Variants in SF3A1 observed in about 807,000 individuals in gnomAD.
SF3A1 encodes splicing factor 3a subunit 1.
In SF3A1, 13 loss-of-function variants were observed where a neutral mutation model predicts 89.9. The ratio of observed to expected loss-of-function variants is 0.14; its 90% CI spans 0.09 to 0.23. SF3A1 has a LOEUF of 0.23. Among genes scored for constraint, SF3A1 ranks in the 10% least tolerant of loss-of-function variants. The pLI is 1.00. For synonymous variants in SF3A1, 405 were observed against 374.4 expected (o/e 1.08, Z -0.94); for missense variants, 604 against 1,022.1 (o/e 0.59, Z 5.58).
rs776494188 is a variant in SF3A1 at position 30,344,930 on chromosome 22, C to T, written c.651+3G>A. The T allele has an allele frequency of 6.2e-7, 1 of 1,612,398 alleles. No homozygotes were observed. The highest frequency in any genetic ancestry group is 8.5e-7 in the Non-Finnish European group (1 of 1,178,442). On this transcript the variant is annotated splice_donor_region_variant and intron_variant, in intron 4 of 15. Coordinates refer to ENST00000215793, the MANE Select transcript of SF3A1 (RefSeq NM_005877.6). ...GGACCCCAGCCCCATCCTGCCCAGG[C>T]ACCTTGGTGTACTGTTCCACTAGCT...
At position 30,356,765 on chromosome 22, in the gene SF3A1, G is replaced by T. The variant is rs1465378118; in HGVS notation, c.28C>A (p.Pro10Thr). 1 of 1,471,580 alleles carries T rather than the reference G, an allele frequency of 6.8e-7. No homozygotes were observed. Among genetic ancestry groups the T allele is most frequent in the Non-Finnish European group, 9.0e-7 (1 of 1,106,476 alleles). 91.2% of individuals were successfully genotyped at this position (1,471,580 alleles called of 1,614,324 possible). MPAGPVQAV[P>T]PPPPVPTEPK... ...TCCGTGGGCACGGGCGGCGGCGGGG[G>T]CACCGCCTGCACGGGTCCGGCCGGC... is the stretch of plus-strand genomic sequence containing the variant. Residue 10 changes from proline (P) to threonine (T), a missense_variant, in exon 1 of 16, where the codon CCC becomes ACC. Physicochemically the swap from Pro to Thr is conservative, Grantham distance 38. Transcript: ENST00000215793.
At chr22:30,341,012 C>T (rs5749067) in intron 7 of SF3A1, among the ~76,000 whole-genome samples, 200 bp from the exon 8 acceptor site, 30,524 of 151,188 alleles carry the variant, frequency 0.2, 3,331 homozygotes, top group Middle Eastern at 0.35. Context: ...GCTGAGGCCA[C>T]GGTCCTAGCA....
At chr22:30,352,761 C>T in intron 2 of SF3A1, 190 bp downstream of exon 2, 1 of 527,542 alleles carries the variant, frequency 1.9e-6, no homozygotes, top group Admixed American at 3.2e-5. Context: ...GTGATTCTCA[C>T]TTTGGCCACT....
chr22:30,336,966 G>T, intron 13 of SF3A1, 60 bp downstream of exon 13: 2 of 1,601,528 alleles, frequency 1.2e-6, no homozygotes, highest in South Asian at 2.2e-5. Flanking sequence ...GCAAGTGTAC[G>T]ACAGGGGCGG....
intron 5 of SF3A1, 137 bp downstream of exon 5, chr22:30,342,668 C>A: frequency 1.5e-6 from 1 of 686,370 alleles, no homozygotes; most frequent in Non-Finnish European, 2.5e-6. Flanking sequence ...TTTCTTTGGC[C>A]TTTGTAGCCA....
chr22:30,347,663 C>T (rs1236437078), intron 2 of SF3A1, among the ~76,000 whole-genome samples: 3 of 152,192 alleles, frequency 2.0e-5, no homozygotes. Flanking sequence ...CTGTGTCAGT[C>T]AGAAAGTACA....
At chr22:30,340,569 CG>C in intron 8 of SF3A1, 125 bp downstream of exon 8, 1 of 847,528 alleles carries the variant, frequency 1.2e-6, no homozygotes, top group Non-Finnish European at 1.9e-6. Flanking sequence ...CTGTAACAGA[CG>C]GGCTTGCAAT....
chr22:30,353,130 C>T lies in SF3A1; in HGVS notation c.64-58G>A, dbSNP rs200750294. On this transcript the variant is annotated intron_variant, in intron 1 of 15. Transcript: ENST00000215793. ...AGTCCCTGGTTCAGAGCAGGTTCTC[C>T]ACTGTAAAACTCCTCTAGGATATCA... The T allele has an allele frequency of 3.8e-6, 6 of 1,591,130 alleles. No individual in the cohort carries two copies. In the African/African-American group the frequency reaches 5.4e-5, roughly 14 times the overall value.
At chr22:30,342,421 G>A in intron 5 of SF3A1, 71 bp from the exon 6 acceptor site, 1 of 1,507,920 alleles carries the variant, frequency 6.6e-7, no homozygotes, top group Non-Finnish European at 8.9e-7. Flanking sequence ...ACCACCTCCA[G>A]GGCTTTCATC....
chr22:30,336,887 C>T, intron 13 of SF3A1, 139 bp downstream of exon 13: 1 of 880,888 alleles, frequency 1.1e-6, no homozygotes, highest in Non-Finnish European at 1.8e-6. Flanking sequence ...GCTCAGAAGC[C>T]CTTAGATGCC....
In SF3A1 at chr22:30,332,555, T is replaced by C. The variant is rs185295318; in HGVS notation, c.*2039A>G. 6.6e-6 allele frequency: 1 copy of C among 152,326 alleles called. No individual in the cohort carries two copies. The highest frequency in any genetic ancestry group is 1.5e-5 in the Non-Finnish European group (1 of 68,026). The allele number at this position is 152,326 out of a possible 1,614,324, so 9.4% of individuals were successfully genotyped here. ...AATGGGGCAGATAATCCTCAGGAGATTGCAAGAAGAATCAGAAAAGCTGTG... is the reference window on the plus strand; with the variant it reads ...AATGGGGCAGATAATCCTCAGGAGACTGCAAGAAGAATCAGAAAAGCTGTG... On this transcript the variant is annotated 3_prime_UTR_variant, in exon 16 of 16. Coordinates refer to ENST00000215793, the MANE Select transcript of SF3A1 (RefSeq NM_005877.6).
rs1930998662 is a variant in SF3A1 at position 30,334,261 on chromosome 22, A to G, written c.*333T>C. On this transcript the variant is annotated 3_prime_UTR_variant, in exon 16 of 16. Coordinates refer to ENST00000215793, the MANE Select transcript of SF3A1 (RefSeq NM_005877.6). ...ATGACAATATCAGCCATATTCTATT[A>G]GCCAAGTGCCACCTGTCACTATGAA... 5.1e-6 allele frequency: 1 copy of G among 196,582 alleles called. No homozygotes were observed. The highest frequency in any genetic ancestry group is 6.2e-5 in the Admixed American group (1 of 16,032). 12.2% of individuals were successfully genotyped at this position (196,582 alleles called of 1,614,324 possible).
chr22:30,354,949 G>C (rs2065179642), intron 1 of SF3A1, among the ~76,000 whole-genome samples: 1 of 152,146 alleles, frequency 6.6e-6, no homozygotes, highest in African/African-American at 2.4e-5. Flanking sequence ...ATCAAGCTAT[G>C]AGTAGATCCC....
chr22:30,333,263 G>A lies in SF3A1; in HGVS notation c.*1331C>T, dbSNP rs772233697. 2.0e-5 allele frequency: 3 copies of A among 152,236 alleles called. No homozygotes were observed. Among genetic ancestry groups the A allele is most frequent in the Non-Finnish European group, 4.4e-5 (3 of 68,076 alleles). The allele number at this position is 152,236 out of a possible 1,614,324, so 9.4% of individuals were successfully genotyped here. A position where few individuals can be genotyped will look rare whatever the true frequency, so the allele number is the denominator to read the frequency against. ...TCTGGGTGAGAGGGAGAGGCAGGGT[G>A]GTGACTAGAGAGCTGGTTCTGTGAC... On this transcript the variant is annotated 3_prime_UTR_variant, in exon 16 of 16. Transcript: ENST00000215793.
At chr22:30,344,646 T>G (rs1381671103) in intron 4 of SF3A1, among the ~76,000 whole-genome samples, 3 of 152,210 alleles carry the variant, frequency 2.0e-5, no homozygotes, top group Admixed American at 2.0e-4. Flanking sequence ...GAAATGCACT[T>G]AAAAGCAGCA....
chr22:30,354,935 T>G (rs1931721458), intron 1 of SF3A1, among the ~76,000 whole-genome samples: 1 of 152,168 alleles, frequency 6.6e-6, no homozygotes, highest in Admixed American at 6.5e-5. Flanking sequence ...TAAAAAAAAC[T>G]TTTATCAAGC....
chr22:30,339,360 T>C, intron 9 of SF3A1, 109 bp from the exon 10 acceptor site: 1 of 1,380,980 alleles, frequency 7.2e-7, no homozygotes, highest in South Asian at 1.2e-5. Flanking sequence ...TTCCATGGGA[T>C]GAGGGTGACT....
rs374253846 is a variant in SF3A1, at chr22:30,338,781, T to C, written c.1743+8A>G. On this transcript the variant is annotated splice_region_variant and intron_variant, in intron 11 of 15. Transcript: ENST00000215793. The stretch of plus-strand genomic sequence containing the variant: ...AAAAAGTCAGTTCCAGGGTAGATGC[T>C]GGCTTACTGTGGGTGGTCGGGGCAC... The C allele has an allele frequency of 1.1e-5, 17 of 1,613,804 alleles. No individual in the cohort carries two copies. Among genetic ancestry groups the C allele is most frequent in the African/African-American group, 1.3e-5 (1 of 74,932 alleles).
At chr22:30,341,300 A>AG (rs1931245329) in intron 7 of SF3A1, among the ~76,000 whole-genome samples, 1 of 152,098 alleles carries the variant, frequency 6.6e-6, no homozygotes, top group Non-Finnish European at 1.5e-5. Context: ...CCTGGCTTGA[A>AG]GGGGGTAGGG....
Sources: allele counts gnomAD v4.1 joint callset (sites outside exome capture counted in the v4.1 genomes callset), GRCh38; gene constraint gnomAD v4.1.1; transcripts MANE v1.5; gene names NCBI Gene and HGNC (gene_info 2026-07-23, HGNC 2026-07-21).